The following NDUFAF6 variants were observed in gnomAD, a reference collection of about 807,000 sequenced individuals.
The protein encoded by NDUFAF6 is NADH:ubiquinone oxidoreductase complex assembly factor 6.
Under a neutral mutation model 40.8 loss-of-function variants are expected in NDUFAF6, and 45 were observed. That is an observed-to-expected ratio of 1.10 (90% CI 0.87 to 1.42). The LOEUF (loss-of-function observed/expected upper bound fraction) is 1.42, where lower values mean the gene tolerates loss of function less well. Ranked by LOEUF, NDUFAF6 falls within the 40% of genes most tolerant of loss-of-function variation. The pLI is 0.00. For synonymous variants in NDUFAF6, 185 were observed against 155.9 expected (o/e 1.19, Z -1.39); for missense variants, 435 against 418.5 (o/e 1.04, Z -0.34).
upstream of NDUFAF6, among the ~76,000 whole-genome samples, chr8:95,096,012 T>G (rs2132070668): frequency 6.6e-6 from 1 of 152,318 alleles, no homozygotes; most frequent in African/African-American, 2.4e-5. Context: ...TTTATTATCG[T>G]AACACCTTCT....
intron 2 of NDUFAF6, among the ~76,000 whole-genome samples, chr8:95,014,318 T>C (rs1041093219): frequency 2.0e-5 from 3 of 152,132 alleles, no homozygotes; most frequent in Non-Finnish European, 2.9e-5. Flanking sequence ...GAGTCACATA[T>C]AATAGTAGAG....
chr8:94,983,161 TC>T (rs1031823588), intron 2 of NDUFAF6, among the ~76,000 whole-genome samples: 1 of 152,160 alleles, frequency 6.6e-6, no homozygotes, highest in Non-Finnish European at 1.5e-5. Context: ...AGGCAGATTT[TC>T]CATGAAGTTA....
chr8:95,052,089 ATTG>A lies in NDUFAF6; in HGVS notation c.817-82_817-80del. 3 of 1,247,324 alleles carry A rather than the reference ATTG, an allele frequency of 2.4e-6. No homozygotes were observed. In the Admixed American group the frequency reaches 5.1e-5, roughly 21 times the overall value. 77.3% of individuals were successfully genotyped at this position (1,247,324 alleles called of 1,614,324 possible). On this transcript the variant is annotated intron_variant, in intron 7 of 8. Transcript: ENST00000396124. ...TGCATTTGAGAGAGGCCCTATCAGT[ATTG>A]TTAAACTGCTGGTGTTGCTTTCAGA...
rs115301362 is a variant in NDUFAF6 at position 95,052,876 on chromosome 8, A to G, written c.873+646A>G. Among the ~76,000 whole-genome samples the G allele has an allele frequency of 8.0e-3, 1,222 of 152,336 alleles. 16 individuals are homozygous for G. The highest frequency in any genetic ancestry group is 0.027 in the African/African-American group (1,113 of 41,568). ...TTGGGAACTGTTGTTCTAAAACTAC[A>G]TAGAGAAGTGATAATTGCTACCAGT... is the stretch of plus-strand genomic sequence containing the variant. On this transcript the variant is annotated intron_variant, in intron 8 of 8. Transcript: ENST00000396124.
intron 2 of NDUFAF6, among the ~76,000 whole-genome samples, chr8:95,005,887 C>T (rs1826955923): frequency 1.3e-5 from 2 of 152,036 alleles, no homozygotes; most frequent in South Asian, 2.1e-4. Flanking sequence ...ATGCATGCTT[C>T]CCCAGGAGAC....
At chr8:94,977,522 T>TA (rs748596014) in intron 1 of NDUFAF6, among the ~76,000 whole-genome samples, 2,447 of 104,750 alleles carry the variant, frequency 0.023, 29 homozygotes, top group African/African-American at 0.027. Flanking sequence ...ACCCTGTCTC[T>TA]AAAAAAAAAA....
upstream of NDUFAF6, among the ~76,000 whole-genome samples, chr8:94,956,885 T>TG (rs1198442804): frequency 9.2e-5 from 14 of 152,178 alleles, no homozygotes; most frequent in East Asian, 2.7e-3. Context: ...TTAAAGGGAA[T>TG]GGGGGCCAGG....
chr8:95,054,096 C>T (rs914783705), intron 8 of NDUFAF6, among the ~76,000 whole-genome samples: 17 of 151,712 alleles, frequency 1.1e-4, no homozygotes, highest in African/African-American at 3.9e-4. Flanking sequence ...GCATGTATCA[C>T]CACACCCAGC....
chr8:95,089,284 T>TCATGAACTCATGCCTG lies in NDUFAF6; in HGVS notation n.214-11835_214-11820dup, dbSNP rs563276126. On this transcript the variant is annotated intron_variant and non_coding_transcript_variant, in intron 2 of 5. Transcript: ENST00000523184. ...CATGTTGCCCAGGCTGGTCTTGAAC[T>TCATGAACTCATGCCTG]CATGAACTCATGCCTGCATGAACTC... Among the ~76,000 whole-genome samples, 22 of 152,076 alleles carry TCATGAACTCATGCCTG rather than the reference T, an allele frequency of 1.4e-4. 1 individual carries two copies. In the East Asian group the frequency reaches 3.5e-3, roughly 24 times the overall value.
At chr8:95,098,924 A>G (rs1454092213), upstream of NDUFAF6, among the ~76,000 whole-genome samples, 1 of 151,968 alleles carries the variant, frequency 6.6e-6, no homozygotes, top group Non-Finnish European at 1.5e-5. Flanking sequence ...TCTGTCTCAA[A>G]AACATAAAAA....
chr8:95,068,165 A>G (rs1465702770), intron 9 of NDUFAF6: 1 of 151,856 alleles, frequency 6.6e-6, no homozygotes, highest in African/African-American at 2.4e-5. Context: ...CAGGAAACTC[A>G]TCACCAGGTT....
At chr8:94,908,776 A>G (rs1818547483) in intron 1 of NDUFAF6, among the ~76,000 whole-genome samples, 1 of 152,238 alleles carries the variant, frequency 6.6e-6, no homozygotes, top group Non-Finnish European at 1.5e-5. Flanking sequence ...CCAGATTTAT[A>G]GCTGAGGAAT....
chr8:95,105,056 C>CAT (rs1809781268), downstream of NDUFAF6, among the ~76,000 whole-genome samples: 3 of 60,664 alleles, frequency 4.9e-5, no homozygotes, highest in African/African-American at 2.0e-4. Context: ...CACACACACA[C>CAT]ACACACACAC....
intron 7 of NDUFAF6, 35 bp downstream of exon 7, chr8:95,048,593 A>G: frequency 1.4e-6 from 2 of 1,418,216 alleles, no homozygotes; most frequent in Non-Finnish European, 2.0e-6. Context: ...TCATTTAGGG[A>G]ATAATCATTT....
At chr8:94,943,200 T>C (rs1821708208) in intron 1 of NDUFAF6, among the ~76,000 whole-genome samples, 1 of 152,080 alleles carries the variant, frequency 6.6e-6, no homozygotes, top group Non-Finnish European at 1.5e-5. Flanking sequence ...AGCATAGGAA[T>C]GGATGAGGCT....
chr8:95,085,626 C>G (rs1478494012), intron 2 of NDUFAF6: 2 of 151,102 alleles, frequency 1.3e-5, no homozygotes, highest in Non-Finnish European at 2.9e-5. Context: ...CTGTGAATAG[C>G]CACTGCACTC....
At chr8:94,993,826 A>G (rs1352815209) in intron 2 of NDUFAF6, among the ~76,000 whole-genome samples, 2 of 152,236 alleles carry the variant, frequency 1.3e-5, no homozygotes, top group Non-Finnish European at 2.9e-5. Flanking sequence ...GTTATAAATC[A>G]CTATTTTTAC....
At chr8:95,080,411 GATTTTTGTAGTGT>G (rs1243902000), downstream of NDUFAF6, among the ~76,000 whole-genome samples, 6 of 94,042 alleles carry the variant, frequency 6.4e-5, no homozygotes, top group South Asian at 3.9e-4. Flanking sequence ...TTTTTGTAGT[GATTTTTGTAGTGT>G]ATTTTTGTAG....
chr8:94,930,471 T>C (rs370100507), intron 1 of NDUFAF6: 7 of 1,612,986 alleles, frequency 4.3e-6, no homozygotes, highest in Non-Finnish European at 5.9e-6. Flanking sequence ...CAACAAAACT[T>C]GAAACTATTA....
Sources: gnomAD v4.1 joint callset for allele counts (sites outside exome capture counted in the v4.1 genomes callset) on GRCh38, gnomAD v4.1.1 for gene constraint, MANE v1.5 for transcripts, NCBI Gene and HGNC (gene_info 2026-07-23, HGNC 2026-07-21) for gene names.